Variants in LRRIQ3 observed in about 807,000 individuals in gnomAD.
LRRIQ3 encodes leucine rich repeats and IQ motif containing 3.
Under a neutral mutation model 59.3 loss-of-function variants are expected in LRRIQ3, and 75 were observed. The observed-to-expected ratio is 1.26, with a 90% CI of 1.05 to 1.53. The LOEUF is 1.53. Among genes scored for constraint, LRRIQ3 ranks in the 40% most tolerant of loss-of-function variants. The pLI is 0.00. For missense variants in LRRIQ3, 831 were observed against 710.0 expected, an observed-to-expected ratio of 1.17 and a Z score of -1.94; for synonymous variants, 250 against 231.3, an observed-to-expected ratio of 1.08 and a Z score of -0.73.
chr1:74,135,452 TC>T (rs1647105608), intron 4 of LRRIQ3, among the ~76,000 whole-genome samples: 1 of 151,948 alleles, frequency 6.6e-6, no homozygotes, highest in Non-Finnish European at 1.5e-5. Context: ...TGAAATTTCT[TC>T]TCAATCACAT....
At chr1:74,091,385 C>A (rs1646392645) in intron 5 of LRRIQ3, among the ~76,000 whole-genome samples, 1 of 151,966 alleles carries the variant, frequency 6.6e-6, no homozygotes, top group South Asian at 2.1e-4. Context: ...ATACAATGAG[C>A]AGTACACAAG....
chr1:74,028,706 G>C (rs1569988103), intron 7 of LRRIQ3, among the ~76,000 whole-genome samples: 1 of 151,144 alleles, frequency 6.6e-6, no homozygotes, highest in African/African-American at 2.5e-5. Flanking sequence ...AGTTGTCTCT[G>C]TATTATTTTT....
intron 3 of LRRIQ3, chr1:74,180,713 T>C: frequency 6.5e-7 from 1 of 1,549,616 alleles, no homozygotes; most frequent in Non-Finnish European, 8.7e-7. Context: ...TCCCACCTCA[T>C]GACTCATTTG....
chr1:74,039,726 A>C (rs1227560688), intron 7 of LRRIQ3, among the ~76,000 whole-genome samples: 1 of 152,170 alleles, frequency 6.6e-6, no homozygotes, highest in East Asian at 1.9e-4. Context: ...CTTTCCAGAC[A>C]AGCAAATGCT....
At chr1:74,180,732 T>C in intron 3 of LRRIQ3, 2 of 1,550,190 alleles carry the variant, frequency 1.3e-6, no homozygotes, top group Non-Finnish European at 1.7e-6. Flanking sequence ...TGCTGTCCAA[T>C]ATTGGGTAAG....
chr1:74,171,219 A>G (rs200616917), intron 3 of LRRIQ3, among the ~76,000 whole-genome samples: 1 of 152,056 alleles, frequency 6.6e-6, no homozygotes, highest in Non-Finnish European at 1.5e-5. Flanking sequence ...ACCTTGTTCC[A>G]TATCTTAGGA....
intron 7 of LRRIQ3, among the ~76,000 whole-genome samples, chr1:74,037,675 A>C (rs111798312): frequency 6.6e-6 from 1 of 152,122 alleles, no homozygotes; most frequent in Admixed American, 6.5e-5. Context: ...ACAACAACAA[A>C]AAACAAGAAC....
At chr1:74,137,144 G>A (rs1260354485) in intron 4 of LRRIQ3, among the ~76,000 whole-genome samples, 1 of 151,746 alleles carries the variant, frequency 6.6e-6, no homozygotes, top group Admixed American at 6.6e-5. Flanking sequence ...TATAATTACA[G>A]GGGGAAAAGC....
intron 3 of LRRIQ3, among the ~76,000 whole-genome samples, chr1:74,175,682 A>T (rs1649597154): frequency 6.6e-6 from 1 of 152,148 alleles, no homozygotes; most frequent in Non-Finnish European, 1.5e-5. Flanking sequence ...TTATCCATGA[A>T]TAGTTACTAA....
intron 3 of LRRIQ3, among the ~76,000 whole-genome samples, chr1:74,158,326 C>G (rs1648463272): frequency 6.6e-6 from 1 of 152,066 alleles, no homozygotes; most frequent in Non-Finnish European, 1.5e-5. Flanking sequence ...TATTGGCTTG[C>G]CAATGAAAGA....
At chr1:74,062,917 C>T (rs2100448414) in intron 6 of LRRIQ3, among the ~76,000 whole-genome samples, 1 of 152,070 alleles carries the variant, frequency 6.6e-6, no homozygotes, top group Non-Finnish European at 1.5e-5. Context: ...ATAATCTGTA[C>T]ACCAAACCCA....
chr1:74,037,951 G>T (rs1266636119), intron 7 of LRRIQ3, among the ~76,000 whole-genome samples: 1 of 152,206 alleles, frequency 6.6e-6, no homozygotes, highest in African/African-American at 2.4e-5. Flanking sequence ...ACTCCCAGGG[G>T]AGGGGCAACC....
chr1:74,037,648 AAAAC>A (rs764650750), intron 7 of LRRIQ3, among the ~76,000 whole-genome samples: 7 of 152,114 alleles, frequency 4.6e-5, no homozygotes, highest in Admixed American at 2.6e-4. Flanking sequence ...AACAAAACAA[AAAAC>A]AAACAAACAA....
intron 1 of LRRIQ3, among the ~76,000 whole-genome samples, chr1:74,192,237 T>G (rs1650813057): frequency 6.6e-6 from 1 of 152,086 alleles, no homozygotes; most frequent in Admixed American, 6.6e-5. Context: ...CAGAGTTAAT[T>G]TTTTTCCAAC....
chr1:74,181,121 A>G (rs1200560865), intron 3 of LRRIQ3: 1 of 248,482 alleles, frequency 4.0e-6, no homozygotes, highest in Non-Finnish European at 7.8e-6. Flanking sequence ...ATGAAGAAAT[A>G]AAATGTATAA....
chr1:74,054,703 T>C (rs956353914), intron 6 of LRRIQ3, among the ~76,000 whole-genome samples: 1 of 149,160 alleles, frequency 6.7e-6, no homozygotes, highest in Non-Finnish European at 1.5e-5. Flanking sequence ...AAAACTGTCC[T>C]AAAAGTTTAT....
At chr1:74,072,027 G>T (rs960609432) in intron 6 of LRRIQ3, among the ~76,000 whole-genome samples, 19 of 151,942 alleles carry the variant, frequency 1.3e-4, no homozygotes, top group Non-Finnish European at 2.9e-5. Flanking sequence ...AAAATACATA[G>T]AATAACATGT....
chr1:74,066,379 C>T (rs1654867028), intron 6 of LRRIQ3, among the ~76,000 whole-genome samples: 1 of 151,800 alleles, frequency 6.6e-6, no homozygotes, highest in South Asian at 2.1e-4. Flanking sequence ...ACTTAGTAAT[C>T]CCCTATGGGC....
chr1:74,121,600 T>C (rs1415099518), intron 4 of LRRIQ3, among the ~76,000 whole-genome samples: 2 of 152,210 alleles, frequency 1.3e-5, no homozygotes, highest in African/African-American at 2.4e-5. Flanking sequence ...TTTTTAATTA[T>C]ACTTTAAGTT....
Sources: allele counts gnomAD v4.1 joint callset (sites outside exome capture counted in the v4.1 genomes callset), GRCh38; gene constraint gnomAD v4.1.1; transcripts MANE v1.5; gene names NCBI Gene and HGNC (gene_info 2026-07-23, HGNC 2026-07-21).